FAM240C: variants seen among roughly 807,000 people sequenced by gnomAD.
The protein encoded by FAM240C is family with sequence similarity 240 member C, also known as protein FAM240C.
FAM240C carries 14 observed loss-of-function variants against 10.0 expected under a neutral mutation model. The ratio of observed to expected loss-of-function variants is 1.40; its 90% CI spans 0.92 to 2.19. The LOEUF is 2.19. Ranked by LOEUF, FAM240C falls within the 30% of genes most tolerant of loss-of-function variation. FAM240C has a pLI of 0.00. For synonymous variants in FAM240C, 49 were observed against 44.3 expected (o/e 1.11, Z -0.42); for missense variants, 154 against 122.3 (o/e 1.26, Z -1.22).
At chr2:241,897,102 C>T (rs1229066031) in intron 2 of FAM240C, 84 bp downstream of exon 2, 22 of 1,449,998 alleles carry the variant, frequency 1.5e-5, no homozygotes, top group Non-Finnish European at 1.7e-5. Context: ...TGTGTCAGGG[C>T]ACACTGCTGG....
intron 2 of FAM240C, among the ~76,000 whole-genome samples, chr2:241,894,737 G>C (rs1036431792): frequency 6.6e-6 from 1 of 152,210 alleles, no homozygotes; most frequent in Admixed American, 6.5e-5. Context: ...TGCTCACGGA[G>C]AGGCAGGTGC....
At chr2:241,897,572 C>T (rs1007500658) in intron 1 of FAM240C, among the ~76,000 whole-genome samples, 3 of 152,160 alleles carry the variant, frequency 2.0e-5, no homozygotes, top group Non-Finnish European at 4.4e-5. Flanking sequence ...CCTGGGTTGG[C>T]AGAAGTAGAA....
chr2:241,897,408 C>A, intron 1 of FAM240C, 74 bp from the exon 2 acceptor site: 1 of 1,493,438 alleles, frequency 6.7e-7, no homozygotes, highest in Admixed American at 2.0e-5. Context: ...CTCCAGCACC[C>A]GGATGGCAGA....
At chr2:241,896,383 G>C (rs922108118) in intron 2 of FAM240C, among the ~76,000 whole-genome samples, 1 of 152,102 alleles carries the variant, frequency 6.6e-6, no homozygotes, top group African/African-American at 2.4e-5. Context: ...GTACAGATAC[G>C]TCACTCAAGG....
upstream of FAM240C, among the ~76,000 whole-genome samples, chr2:241,901,780 G>A (rs1403869054): frequency 1.3e-4 from 20 of 152,240 alleles, no homozygotes; most frequent in Non-Finnish European, 4.4e-5. The surrounding 1 kb of genome is among the most constrained non-coding windows in gnomAD (Gnocchi z 4.9). Flanking sequence ...CCCAGGAGAG[G>A]CGTCTCCAGC....
upstream of FAM240C, among the ~76,000 whole-genome samples, chr2:241,901,723 G>A (rs1237943439): frequency 6.6e-6 from 1 of 152,218 alleles, no homozygotes; most frequent in Non-Finnish European, 1.5e-5. The surrounding 1 kb of genome is among the most constrained non-coding windows in gnomAD (Gnocchi z 4.9). Context: ...AAACCGCTGC[G>A]TGCAGCACCG....
At chr2:241,896,126 C>A (rs1377493684) in intron 2 of FAM240C, among the ~76,000 whole-genome samples, 1 of 152,166 alleles carries the variant, frequency 6.6e-6, no homozygotes, top group African/African-American at 2.4e-5. Context: ...GGCTCTCTTG[C>A]TCGGGGCCTG....
chr2:241,897,735 G>A (rs190096726), intron 1 of FAM240C, among the ~76,000 whole-genome samples: 90 of 152,334 alleles, frequency 5.9e-4, no homozygotes, highest in South Asian at 1.2e-3. Context: ...TGCCAGGTGA[G>A]TCCATCCCTT....
intron 2 of FAM240C, among the ~76,000 whole-genome samples, chr2:241,896,540 GGTGTTGGGGTGT>G (rs1701813106): frequency 1.9e-5 from 2 of 105,622 alleles, no homozygotes; most frequent in Non-Finnish European, 2.3e-5. Context: ...TTGGGGTGTG[GGTGTTGGGGTGT>G]GTGTGTTGGG....
chr2:241,901,500 C>G (rs1353994400), upstream of FAM240C, among the ~76,000 whole-genome samples: 2 of 151,584 alleles, frequency 1.3e-5, no homozygotes, highest in South Asian at 4.2e-4. The surrounding 1 kb of genome is among the most constrained non-coding windows in gnomAD (Gnocchi z 4.9). Flanking sequence ...AACTGGAGTT[C>G]TGTGGGTGTC....
chr2:241,896,512 G>C (rs531234522), intron 2 of FAM240C, among the ~76,000 whole-genome samples: 2 of 137,734 alleles, frequency 1.5e-5, no homozygotes, highest in Non-Finnish European at 3.3e-5. Context: ...AGGGGGTGTG[G>C]GTGTTGGGGT....
chr2:241,896,894 G>A (rs898002382), intron 2 of FAM240C, among the ~76,000 whole-genome samples: 2 of 151,488 alleles, frequency 1.3e-5, no homozygotes, highest in Admixed American at 6.6e-5. Flanking sequence ...GTGGGCATTG[G>A]GGTGTGGTGT....
At position 241,897,348 on chromosome 2, in the gene FAM240C, A is replaced by T. The variant is rs1263957427; in HGVS notation, c.13-14T>A. The T allele has an allele frequency of 1.9e-6, 3 of 1,548,894 alleles. No individual in the cohort carries two copies. Among genetic ancestry groups the T allele is most frequent in the African/African-American group, 2.7e-5 (2 of 73,108 alleles). On this transcript the variant is annotated splice_polypyrimidine_tract_variant and intron_variant, in intron 1 of 2. Coordinates refer to ENST00000404031, the MANE Select transcript of FAM240C (RefSeq NM_001382368.1). ...TTTACTCATGTTCTGGAAAATAAAA[A>T]GTGGAGAAGAGCTCAGTCACCTTAT...
At chr2:241,895,972 G>GA (rs1701789509) in intron 2 of FAM240C, among the ~76,000 whole-genome samples, 1 of 151,834 alleles carries the variant, frequency 6.6e-6, no homozygotes, top group African/African-American at 2.4e-5. Context: ...GTGGGGGGGG[G>GA]CCTCTCCTTC....
At chr2:241,900,795 A>G (rs537592960), upstream of FAM240C, among the ~76,000 whole-genome samples, 35 of 152,234 alleles carry the variant, frequency 2.3e-4, no homozygotes, top group African/African-American at 7.5e-4. The surrounding 1 kb of genome is among the most constrained non-coding windows in gnomAD (Gnocchi z 4.5). Flanking sequence ...GGCGAAATGT[A>G]TATCACAAAA....
At position 241,897,233 on chromosome 2, in the gene FAM240C, T is replaced by C. The variant is rs752032389; in HGVS notation, c.114A>G (p.Arg38=). ...FWEKKIEHHA[R]HLQNEDIRVR... ...CCCTGATGTCCTCGTTCTGCAGGTG[T>C]CTTGCGTGATGCTCGATTTTTTTCT... is the stretch of plus-strand genomic sequence containing the variant. The change falls in exon 2 of 3, where the codon AGA becomes AGG. Residue 38 remains arginine (R), a synonymous_variant. Coordinates refer to ENST00000404031, the MANE Select transcript of FAM240C (RefSeq NM_001382368.1). The C allele has an allele frequency of 6.5e-7, 1 of 1,550,006 alleles. No individual in the cohort carries two copies. The highest frequency in any genetic ancestry group is 1.2e-5 in the South Asian group (1 of 84,070).
chr2:241,896,606 TGTGGGTG>T (rs1332144594), intron 2 of FAM240C, among the ~76,000 whole-genome samples: 13 of 63,840 alleles, frequency 2.0e-4, no homozygotes, highest in East Asian at 3.5e-4. Context: ...GGTGAAGGGG[TGTGGGTG>T]TGGGGGTGTG....
intron 1 of FAM240C, chr2:241,899,330 T>G: frequency 1.0e-6 from 1 of 985,432 alleles, no homozygotes; most frequent in Non-Finnish European, 1.2e-6. Context: ...AAATCGCCCA[T>G]CGATGCCACG....
intron 1 of FAM240C, chr2:241,899,447 T>A: frequency 1.7e-6 from 1 of 599,440 alleles, no homozygotes; most frequent in Non-Finnish European, 2.1e-6. Context: ...GAGTGAAAAC[T>A]CATCCAATGA....
Sources: gnomAD v4.1 joint callset for allele counts (sites outside exome capture counted in the v4.1 genomes callset) on GRCh38, gnomAD v4.1.1 for gene constraint, Gnocchi (gnomAD v3.1) non-coding constraint, MANE v1.5 for transcripts, NCBI Gene and HGNC (gene_info 2026-07-23, HGNC 2026-07-21) for gene names.